The following RPL35A variants were observed in gnomAD, a reference collection of about 807,000 sequenced individuals.
The protein encoded by RPL35A is large ribosomal subunit protein eL33.
A neutral mutation model predicts 16.7 loss-of-function variants in RPL35A; 1 was observed. The ratio of observed to expected loss-of-function variants is 0.06; its 90% CI spans 0.02 to 0.28. The LOEUF is 0.28. RPL35A is among the 10% of genes least tolerant of loss of function. The pLI is 1.00. For missense variants in RPL35A, 91 were observed against 138.7 expected (o/e 0.66, Z 1.73); for synonymous variants, 58 against 47.0 (o/e 1.23, Z -0.96).
intron 1 of RPL35A, chr3:197,950,475 C>T (rs1719966766): frequency 9.1e-6 from 4 of 437,804 alleles, no homozygotes; most frequent in Non-Finnish European, 1.4e-5. Flanking sequence ...TGTTTTTGTT[C>T]GTGTGCAGTT....
intron 3 of RPL35A, among the ~76,000 whole-genome samples, chr3:197,952,086 G>A (rs569150385): frequency 1.3e-5 from 2 of 151,116 alleles, no homozygotes; most frequent in Admixed American, 6.6e-5. Context: ...TTTTTTTCTC[G>A]GCTCCTTTTG....
At position 197,950,953 on chromosome 3, in the gene RPL35A, C is replaced by A; in HGVS notation, c.-15C>A. 2 of 1,614,070 alleles carry A rather than the reference C, an allele frequency of 1.2e-6. No homozygotes were observed. On this transcript the variant is annotated 5_prime_UTR_variant, in exon 2 of 5. Transcript: ENST00000647248. ...GTTTTAAGGCCTGCTGGGAACGGGA[C>A]TTCTAAAAGGAACTATGTCTGGAAG...
At chr3:197,955,539 G>C (rs1720461297) in intron 4 of RPL35A, among the ~76,000 whole-genome samples, 1 of 152,114 alleles carries the variant, frequency 6.6e-6, no homozygotes, top group East Asian at 1.9e-4. Flanking sequence ...TGGGATTACA[G>C]GTGTGAGCCA....
rs1390060180 is a variant in RPL35A, at chr3:197,956,605, G to C, written c.*832G>C. ...GATATGCTAAAATAAAACAACTAAG[G>C]CATCAGTTTTGCTGTATGGTTTTTT... On this transcript the variant is annotated 3_prime_UTR_variant, in exon 5 of 5. Coordinates refer to ENST00000647248, the MANE Select transcript of RPL35A (RefSeq NM_000996.4). The C allele has an allele frequency of 1.3e-5, 2 of 150,088 alleles. No homozygotes were observed. Among genetic ancestry groups the C allele is most frequent in the African/African-American group, 4.9e-5 (2 of 40,472 alleles). 9.3% of individuals were successfully genotyped at this position (150,088 alleles called of 1,614,324 possible).
intron 4 of RPL35A, chr3:197,954,498 TA>T (rs1720378107): frequency 2.9e-6 from 1 of 347,220 alleles, no homozygotes; most frequent in Non-Finnish European, 5.5e-6. Flanking sequence ...CACACCCAGC[TA>T]ATTTTTGGGG....
Position 197,950,793 on chromosome 3 carries a change from T to G in RPL35A, c.-32-143T>G. 7.2e-6 allele frequency: 5 copies of G among 695,082 alleles called. No individual in the cohort carries two copies. The Admixed American group carries it at 1.0e-4, about 15-fold the overall frequency. The allele number at this position is 695,082 out of a possible 1,614,324, so 43.1% of individuals were successfully genotyped here. On this transcript the variant is annotated intron_variant, in intron 1 of 4. Coordinates refer to ENST00000647248, the MANE Select transcript of RPL35A (RefSeq NM_000996.4). ...GTCTTGCCGGACCCTGCGTTTCATA[T>G]GGATGTTCTGGCATTGTTGTCCCCG...
chr3:197,955,670 AT>A, intron 4 of RPL35A, 79 bp from the exon 5 acceptor site: 2 of 1,234,796 alleles, frequency 1.6e-6, no homozygotes, highest in East Asian at 2.3e-5. Context: ...CCTTTCAGAG[AT>A]TTATCCGTAT....
intron 1 of RPL35A, chr3:197,950,650 T>G: frequency 2.0e-6 from 1 of 491,772 alleles, no homozygotes; most frequent in South Asian, 2.6e-5. Flanking sequence ...TGTTGCCTAC[T>G]GATAACGGCA....
Position 197,954,022 on chromosome 3 carries a change from G to A in RPL35A, c.184G>A (p.Gly62Ser), listed in dbSNP as rs146882967. ...KAKNNTVTPG[G>S]KPNKTRVIWG... The stretch of plus-strand genomic sequence containing the variant: ...AATCAGCAACACAGTCACTCCTGGC[G>A]GCAAACCAAACAAAACCAGAGTCAT... Residue 62 changes from glycine (G) to serine (S), a missense_variant, in exon 4 of 5, where the codon GGC becomes AGC. Gly to Ser is a moderately conservative substitution (Grantham distance 56, BLOSUM62 0). Coordinates refer to ENST00000647248, the MANE Select transcript of RPL35A (RefSeq NM_000996.4). 1.1e-5 allele frequency: 18 copies of A among 1,613,060 alleles called. No individual in the cohort carries two copies. Among genetic ancestry groups the A allele is most frequent in the African/African-American group, 2.7e-5 (2 of 74,854 alleles).
rs1560119731 is a variant in RPL35A, at chr3:197,950,918, C to G, written c.-32-18C>G. On this transcript the variant is annotated intron_variant, in intron 1 of 4. Transcript: ENST00000647248. ...TTGTGTGGCTTGGTTTTAAACTAAT[C>G]TTTTTGTTTGTTTTAAGGCCTGCTG... 2 of 1,613,622 alleles carry G rather than the reference C, an allele frequency of 1.2e-6. No individual in the cohort carries two copies. The highest frequency in any genetic ancestry group is 3.3e-5 in the Admixed American group (2 of 59,984).
intron 3 of RPL35A, chr3:197,953,693 T>G: frequency 2.2e-6 from 1 of 445,430 alleles, no homozygotes; most frequent in South Asian, 2.0e-5. Context: ...ACAAATATCC[T>G]CACACTTGTC....
rs779636091 is a variant in RPL35A, at chr3:197,954,164, G to A, written c.309+17G>A. On this transcript the variant is annotated intron_variant, in intron 4 of 4. Transcript: ENST00000647248. ...ATCCGAGTGGTGAGTATGGTTTTTA[G>A]CAAAATGGACGTCTGATGAATCAGA... The A allele has an allele frequency of 1.2e-6, 2 of 1,613,818 alleles. No individual in the cohort carries two copies. Among genetic ancestry groups the A allele is most frequent in the East Asian group, 2.2e-5 (1 of 44,896 alleles).
Position 197,951,141 on chromosome 3 carries a change from G to T in RPL35A, c.12-18G>T, listed in dbSNP as rs373448841. 4 of 1,614,050 alleles carry T rather than the reference G, an allele frequency of 2.5e-6. No individual in the cohort carries two copies. In the Admixed American group the frequency reaches 6.7e-5, roughly 27 times the overall value. On this transcript the variant is annotated intron_variant, in intron 2 of 4. Coordinates refer to ENST00000647248, the MANE Select transcript of RPL35A (RefSeq NM_000996.4). ...TTTTGAAGCTTATGTTTCATGTTGTGTATCTTTTGTGTCTTAGGCTGTGGT... is the reference window on the plus strand; with the variant it reads ...TTTTGAAGCTTATGTTTCATGTTGTTTATCTTTTGTGTCTTAGGCTGTGGT...
intron 4 of RPL35A, among the ~76,000 whole-genome samples, chr3:197,954,704 C>T (rs1210056716): frequency 6.6e-6 from 1 of 152,064 alleles, no homozygotes; most frequent in Non-Finnish European, 1.5e-5. Flanking sequence ...TATTTTGTTT[C>T]TCCATGTTGC....
At position 197,956,140 on chromosome 3, in the gene RPL35A, A is replaced by C. The variant is rs886740862; in HGVS notation, c.*367A>C. ...CCTGGGTCATTTTTAAATTTTTTGTAGAGAGGGTCTGACTCTTGCCTATGC... is the reference window on the plus strand; with the variant it reads ...CCTGGGTCATTTTTAAATTTTTTGTCGAGAGGGTCTGACTCTTGCCTATGC... On this transcript the variant is annotated 3_prime_UTR_variant, in exon 5 of 5. Transcript: ENST00000647248. 3 of 287,984 alleles carry C rather than the reference A, an allele frequency of 1.0e-5. No individual in the cohort carries two copies. The highest frequency in any genetic ancestry group is 1.2e-3 in the Middle Eastern group (1 of 804). The allele number at this position is 287,984 out of a possible 1,614,324, so 17.8% of individuals were successfully genotyped here.
At chr3:197,951,071 C>T (rs1720031958) in intron 2 of RPL35A, 88 bp from the exon 3 acceptor site, 3 of 1,599,944 alleles carry the variant, frequency 1.9e-6, no homozygotes, top group African/African-American at 2.7e-5. Flanking sequence ...TAGATGTTTG[C>T]TCTGAGTAAC....
chr3:197,955,038 A>G (rs1407039070), intron 4 of RPL35A, among the ~76,000 whole-genome samples: 4 of 151,540 alleles, frequency 2.6e-5, no homozygotes, highest in Non-Finnish European at 5.9e-5. Context: ...ATTTTTCTCA[A>G]TTTTCTCCTG....
At chr3:197,953,021 G>A (rs1448941620) in intron 3 of RPL35A, among the ~76,000 whole-genome samples, 2 of 151,142 alleles carry the variant, frequency 1.3e-5, no homozygotes, top group Non-Finnish European at 3.0e-5. Flanking sequence ...GGCTGGTCTC[G>A]AACTCCTGAC....
chr3:197,954,175 G>A (rs771155119), intron 4 of RPL35A, 28 bp downstream of exon 4: 49 of 1,612,826 alleles, frequency 3.0e-5, no homozygotes, highest in Admixed American at 2.5e-4. Context: ...CAAAATGGAC[G>A]TCTGATGAAT....
Sources: allele counts gnomAD v4.1 joint callset (sites outside exome capture counted in the v4.1 genomes callset), GRCh38; gene constraint gnomAD v4.1.1; transcripts MANE v1.5; gene names NCBI Gene and HGNC (gene_info 2026-07-23, HGNC 2026-07-21).